The following EPS8 variants were observed in gnomAD, a reference collection of about 807,000 sequenced individuals.
EPS8 encodes the protein EGFR pathway substrate 8, signaling adaptor, also known as epidermal growth factor receptor kinase substrate 8.
In EPS8, 42 loss-of-function variants were observed where a neutral mutation model predicts 103.8. The ratio of observed to expected loss-of-function variants is 0.40; its 90% CI spans 0.32 to 0.52. The LOEUF is 0.52. Ranked by LOEUF, EPS8 falls within the 20% of genes least tolerant of loss-of-function variation. The pLI is 0.40. For missense variants in EPS8, 969 were observed against 1,005.1 expected, an observed-to-expected ratio of 0.96 and a Z score of 0.49; for synonymous variants, 344 against 344.6, an observed-to-expected ratio of 1.00 and a Z score of 0.02.
chr12:15,651,032 A>C, intron 13 of EPS8, 26 bp from the exon 14 acceptor site: 1 of 1,593,122 alleles, frequency 6.3e-7, no homozygotes, highest in Non-Finnish European at 8.6e-7. Context: ...AAGGCATATA[A>C]ACAATAAAAT....
At position 15,783,309 on chromosome 12, in the gene EPS8, A is replaced by G. The variant is rs71459196; in HGVS notation, c.-22+5852T>C. On this transcript the variant is annotated intron_variant, in intron 1 of 20. Transcript: ENST00000281172. Reference sequence around the variant, plus strand: ...ATACAATGTAATATACATATAATATACAAAATGTGTGTTAACAGACTGTGT... The same window carrying G: ...ATACAATGTAATATACATATAATATGCAAAATGTGTGTTAACAGACTGTGT... 5.9e-5 allele frequency among the ~76,000 whole-genome samples: 9 copies of G among 152,354 alleles called. No individual in the cohort carries two copies. In the East Asian group the frequency reaches 1.7e-3, roughly 29 times the overall value.
chr12:15,753,743 T>G (rs1337696826), intron 1 of EPS8, among the ~76,000 whole-genome samples: 1 of 152,248 alleles, frequency 6.6e-6, no homozygotes, highest in Admixed American at 6.5e-5. Flanking sequence ...TCCTCTCTCA[T>G]GCTCACTCCA....
Position 15,701,212 on chromosome 12 carries a change from A to T in EPS8, c.-21-18240T>A, listed in dbSNP as rs1946307617. ...AAAAACAATAACACTTATTAAATCC[A>T]TATATGTGTCAAACGTTGTTGTAAG... On this transcript the variant is annotated intron_variant, in intron 1 of 20. Transcript: ENST00000281172. The surrounding 1 kb of genome is among the most constrained non-coding windows in gnomAD (Gnocchi z 5.1). Among the ~76,000 whole-genome samples the T allele has an allele frequency of 1.3e-5, 2 of 152,356 alleles. No homozygotes were observed. The highest frequency in any genetic ancestry group is 6.8e-3 in the Middle Eastern group (2 of 294).
rs1555112203 is a variant in EPS8, at chr12:15,663,944, A to AAAATAATAAT, written c.736+1811_736+1812insATTATTATTT. On this transcript the variant is annotated intron_variant, in intron 8 of 20. Coordinates refer to ENST00000281172, the MANE Select transcript of EPS8 (RefSeq NM_004447.6). The stretch of plus-strand genomic sequence containing the variant: ...TCAAAAAAAAAAAAAAAAAAAAAAA[A>AAAATAATAAT]AATAATATATATATATATATATATA... Among the ~76,000 whole-genome samples, 9 of 85,962 alleles carry AAAATAATAAT rather than the reference A, an allele frequency of 1.0e-4. 1 individual carries two copies. Among genetic ancestry groups the AAAATAATAAT allele is most frequent in the African/African-American group, 4.1e-4 (9 of 22,174 alleles). The allele number at this position is 85,962 out of a possible 152,430, so 56.4% of individuals were successfully genotyped here. A position where few individuals can be genotyped will look rare whatever the true frequency, so the allele number is the denominator to read the frequency against.
chr12:15,635,288 A>T (rs1469890824), intron 17 of EPS8, among the ~76,000 whole-genome samples: 1 of 152,004 alleles, frequency 6.6e-6, no homozygotes, highest in East Asian at 1.9e-4. Context: ...AAAAACACAT[A>T]TATATATTTA....
At chr12:15,691,850 C>T (rs1946176277) in intron 1 of EPS8, among the ~76,000 whole-genome samples, 1 of 151,858 alleles carries the variant, frequency 6.6e-6, no homozygotes, top group Non-Finnish European at 1.5e-5. Flanking sequence ...AATTATCTTT[C>T]CCCCCAACTC....
At position 15,777,218 on chromosome 12, in the gene EPS8, A is replaced by C. The variant is rs894554929; in HGVS notation, c.-22+11943T>G. Among the ~76,000 whole-genome samples, 1 of 152,052 alleles carries C rather than the reference A, an allele frequency of 6.6e-6. No individual in the cohort carries two copies. The highest frequency in any genetic ancestry group is 1.5e-5 in the Non-Finnish European group (1 of 68,006). ...CATTATATAACTCAAGATATATTTT[A>C]ATTCAAATTCTAAAATTCCCTACAG... On this transcript the variant is annotated intron_variant, in intron 1 of 20. Coordinates refer to ENST00000281172, the MANE Select transcript of EPS8 (RefSeq NM_004447.6). The surrounding 1 kb of genome is among the most constrained non-coding windows in gnomAD (Gnocchi z 4.7).
chr12:15,776,321 T>C lies in EPS8; in HGVS notation c.-22+12840A>G, dbSNP rs1399268260. ...GAACTAGTTTATCTAGCCTTAAAAG[T>C]TAAGCCATGTTCTCAAGTCAGCCCC... On this transcript the variant is annotated intron_variant, in intron 1 of 20. Coordinates refer to ENST00000281172, the MANE Select transcript of EPS8 (RefSeq NM_004447.6). This position sits in a 1 kb window ranked among gnomAD's most constrained non-coding sequence, Gnocchi z 4.2. 6.6e-6 allele frequency among the ~76,000 whole-genome samples: 1 copy of C among 152,164 alleles called. No individual in the cohort carries two copies. The highest frequency in any genetic ancestry group is 1.5e-5 in the Non-Finnish European group (1 of 68,032).
chr12:15,712,885 T>C, intron 1 of EPS8: 1 of 985,312 alleles, frequency 1.0e-6, no homozygotes, highest in African/African-American at 1.7e-5. Flanking sequence ...CTCTAAGCAA[T>C]CGTCCAGGCA....
intron 17 of EPS8, among the ~76,000 whole-genome samples, chr12:15,634,038 C>T (rs778885272): frequency 1.3e-5 from 2 of 152,144 alleles, no homozygotes; most frequent in Admixed American, 6.5e-5. Flanking sequence ...TCTCAGTTTA[C>T]GTAATGTCTT....
intron 16 of EPS8, 54 bp downstream of exon 16, chr12:15,641,668 G>A: frequency 1.2e-6 from 1 of 802,592 alleles, no homozygotes; most frequent in South Asian, 1.8e-5. Context: ...TACCAAAAGA[G>A]TAATACAATA....
At chr12:15,782,092 G>C (rs1308336938) in intron 1 of EPS8, 1 of 152,070 alleles carries the variant, frequency 6.6e-6, no homozygotes, top group African/African-American at 2.4e-5. Flanking sequence ...CAAAAGAGAG[G>C]TACATTTGAC....
chr12:15,629,270 A>C (rs1368827002), intron 18 of EPS8, among the ~76,000 whole-genome samples: 1 of 152,220 alleles, frequency 6.6e-6, no homozygotes, highest in Non-Finnish European at 1.5e-5. Context: ...GTGAACAAAG[A>C]ACAGACTGTC....
Position 15,706,844 on chromosome 12 carries a change from A to G in EPS8, c.-21-23872T>C, listed in dbSNP as rs376138153. Among the ~76,000 whole-genome samples, 100 of 151,944 alleles carry G rather than the reference A, an allele frequency of 6.6e-4. No homozygotes were observed. The South Asian group carries it at 8.3e-3, about 13-fold the overall frequency. Reference sequence around the variant, plus strand: ...GTCTATGTGTACAAGTTTTTTTTCTATTTTACATACTAACTAAATTTATAC... The same window carrying G: ...GTCTATGTGTACAAGTTTTTTTTCTGTTTTACATACTAACTAAATTTATAC... On this transcript the variant is annotated intron_variant, in intron 1 of 20. Coordinates refer to ENST00000281172, the MANE Select transcript of EPS8 (RefSeq NM_004447.6). This position sits in a 1 kb window ranked among gnomAD's most constrained non-coding sequence, Gnocchi z 5.2.
chr12:15,739,849 A>T (rs1946802543), intron 1 of EPS8, among the ~76,000 whole-genome samples: 1 of 152,158 alleles, frequency 6.6e-6, no homozygotes, highest in Non-Finnish European at 1.5e-5. Context: ...ACTAGTACAG[A>T]AGGCTACTAG....
At chr12:15,732,258 T>C (rs917486263) in intron 1 of EPS8, among the ~76,000 whole-genome samples, 2 of 152,202 alleles carry the variant, frequency 1.3e-5, no homozygotes, top group Non-Finnish European at 2.9e-5. Flanking sequence ...TGATCTACTG[T>C]ATCGAGACCT....
rs371840599 is a variant in EPS8 at position 15,723,829 on chromosome 12, AGAT to A, written c.-21-40860_-21-40858del. 1.1e-3 allele frequency among the ~76,000 whole-genome samples: 163 copies of A among 152,320 alleles called. 1 individual carries two copies. Among genetic ancestry groups the A allele is most frequent in the African/African-American group, 3.7e-3 (154 of 41,582 alleles). ...AAGTAAAGTCATTTTATACTTAAGAAGATGAAGTTTACCCACTAACCTCATGCT... is the reference window on the plus strand; with the variant it reads ...AAGTAAAGTCATTTTATACTTAAGAAGAAGTTTACCCACTAACCTCATGCT... On this transcript the variant is annotated intron_variant, in intron 1 of 20. Transcript: ENST00000281172.
intron 1 of EPS8, among the ~76,000 whole-genome samples, chr12:15,694,002 G>A (rs899277533): frequency 2.0e-5 from 3 of 152,128 alleles, no homozygotes; most frequent in African/African-American, 4.8e-5. Context: ...AATGGAACAC[G>A]TATACCTATG....
At chr12:15,774,909 C>A (rs1032597496) in intron 1 of EPS8, among the ~76,000 whole-genome samples, 1 of 151,826 alleles carries the variant, frequency 6.6e-6, no homozygotes, top group African/African-American at 2.4e-5. Context: ...AAAAGCAATT[C>A]TTGACCCTGC....
Sources: allele counts gnomAD v4.1 joint callset (sites outside exome capture counted in the v4.1 genomes callset), GRCh38; gene constraint gnomAD v4.1.1; non-coding constraint Gnocchi (gnomAD v3.1); transcripts MANE v1.5; gene names NCBI Gene and HGNC (gene_info 2026-07-23, HGNC 2026-07-21).